Variants in GRM7 observed in about 807,000 individuals in gnomAD.
The protein encoded by GRM7 is metabotropic glutamate receptor 7.
In GRM7, 35 loss-of-function variants were observed where a neutral mutation model predicts 84.5. The observed-to-expected ratio is 0.41, with a 90% CI of 0.32 to 0.55. The LOEUF is 0.55. Ranked by LOEUF, GRM7 falls within the 20% of genes least tolerant of loss-of-function variation. GRM7 has a pLI of 0.19. For missense variants in GRM7, 1,003 were observed against 1,194.6 expected (o/e 0.84, Z 2.36); for synonymous variants, 487 against 455.1 (o/e 1.07, Z -0.89).
intron 2 of GRM7, among the ~76,000 whole-genome samples, chr3:7,201,999 C>A (rs2125114479): frequency 6.6e-6 from 1 of 152,100 alleles, no homozygotes; most frequent in South Asian, 2.1e-4. Flanking sequence ...ACATTACCAG[C>A]ATTTTTTTTT....
chr3:7,688,981 C>T (rs1325780546), intron 9 of GRM7, among the ~76,000 whole-genome samples: 1 of 152,310 alleles, frequency 6.6e-6, no homozygotes, highest in African/African-American at 2.4e-5. Context: ...GCATCCTTTA[C>T]ATGAATATTT....
At chr3:7,506,837 G>A (rs1700053866) in intron 7 of GRM7, among the ~76,000 whole-genome samples, 1 of 152,080 alleles carries the variant, frequency 6.6e-6, no homozygotes, top group Non-Finnish European at 1.5e-5. Flanking sequence ...TACTCATGAG[G>A]GCAGAGCCAA....
chr3:7,226,667 G>C (rs1290103233), intron 2 of GRM7, among the ~76,000 whole-genome samples: 1 of 152,146 alleles, frequency 6.6e-6, no homozygotes, highest in East Asian at 1.9e-4. Context: ...GTCCACCATA[G>C]AAGATAAGGA....
chr3:6,938,920 A>G (rs1023036826), intron 1 of GRM7, among the ~76,000 whole-genome samples: 3 of 152,220 alleles, frequency 2.0e-5, no homozygotes, highest in Admixed American at 2.0e-4. Flanking sequence ...AATGCCTGTT[A>G]AGGCACTTGC....
chr3:7,332,736 C>T (rs1701255742), intron 4 of GRM7, among the ~76,000 whole-genome samples: 1 of 152,136 alleles, frequency 6.6e-6, no homozygotes, highest in Admixed American at 6.5e-5. Context: ...AAAGAATTCA[C>T]AGAACCTTTG....
Position 7,304,947 on chromosome 3 carries a change from G to A in GRM7, c.879-1551G>A, listed in dbSNP as rs569100887. 2.0e-5 allele frequency among the ~76,000 whole-genome samples: 3 copies of A among 152,280 alleles called. No individual in the cohort carries two copies. In the South Asian group the frequency reaches 6.2e-4, roughly 32 times the overall value. Reference sequence around the variant, plus strand: ...TCACATATGAATAAGGCAGTAAAAAGCTCTGTGCCCACGGGCAGTGCATGA... The same window carrying A: ...TCACATATGAATAAGGCAGTAAAAAACTCTGTGCCCACGGGCAGTGCATGA... On this transcript the variant is annotated intron_variant, in intron 3 of 9. Coordinates refer to ENST00000357716, the MANE Select transcript of GRM7 (RefSeq NM_000844.4).
intron 2 of GRM7, among the ~76,000 whole-genome samples, chr3:7,154,505 G>C (rs1310584240): frequency 3.3e-5 from 5 of 152,110 alleles, no homozygotes; most frequent in African/African-American, 4.8e-5. Flanking sequence ...GGTATGAAAA[G>C]ATCTGAAGGT....
chr3:7,390,936 G>A lies in GRM7; in HGVS notation c.1034-24087G>A, dbSNP rs1201476020. Among the ~76,000 whole-genome samples, 5 of 151,954 alleles carry A rather than the reference G, an allele frequency of 3.3e-5. No homozygotes were observed. The South Asian group carries it at 1.0e-3, about 32-fold the overall frequency. ...AAACACTCTGGCTATTTTTTTAATT[G>A]CCAGCATTCTTGTGTTGGTTTCTTT... On this transcript the variant is annotated intron_variant, in intron 4 of 9. Coordinates refer to ENST00000357716, the MANE Select transcript of GRM7 (RefSeq NM_000844.4).
At chr3:7,616,571 G>GTGTT (rs1305144924) in intron 8 of GRM7, among the ~76,000 whole-genome samples, 7 of 152,172 alleles carry the variant, frequency 4.6e-5, no homozygotes, top group Middle Eastern at 3.4e-3. Flanking sequence ...CAACCCTCAA[G>GTGTT]TGTTTGTTCA....
At chr3:7,521,242 G>A (rs770363133) in intron 7 of GRM7, among the ~76,000 whole-genome samples, 3 of 152,284 alleles carry the variant, frequency 2.0e-5, no homozygotes, top group East Asian at 3.9e-4. Flanking sequence ...CAGTGCCTTC[G>A]ATGTTCCCCT....
intron 1 of GRM7, chr3:6,956,651 T>G: frequency 2.2e-6 from 1 of 456,710 alleles, no homozygotes; most frequent in Non-Finnish European, 4.4e-6. Context: ...CTGTGCATGT[T>G]TACCTGCTCA....
chr3:7,670,801 C>T (rs374754080), intron 8 of GRM7, among the ~76,000 whole-genome samples: 1 of 152,128 alleles, frequency 6.6e-6, no homozygotes. Flanking sequence ...CAGTGAGGTA[C>T]AAGACAGCAT....
chr3:7,525,798 A>C (rs979336001), intron 7 of GRM7, among the ~76,000 whole-genome samples: 4 of 152,144 alleles, frequency 2.6e-5, no homozygotes, highest in African/African-American at 4.8e-5. Context: ...ATAAGTGAGA[A>C]CATGTGATAT....
chr3:6,893,538 T>G (rs1378496841), intron 1 of GRM7, among the ~76,000 whole-genome samples: 4 of 152,144 alleles, frequency 2.6e-5, no homozygotes, highest in African/African-American at 4.8e-5. Context: ...ATCCAAAACA[T>G]GCCCACCATC....
chr3:7,137,036 T>C (rs986258648), intron 1 of GRM7, among the ~76,000 whole-genome samples: 3 of 152,144 alleles, frequency 2.0e-5, no homozygotes, highest in African/African-American at 7.2e-5. Context: ...CTTTTAGTGA[T>C]TAATGTGTGC....
intron 1 of GRM7, among the ~76,000 whole-genome samples, chr3:6,993,778 G>C (rs1254937118): frequency 1.3e-5 from 2 of 152,168 alleles, no homozygotes; most frequent in African/African-American, 4.8e-5. Context: ...AGGGCTTAAC[G>C]ATGGATTACA....
At chr3:7,276,789 T>TCCCTC (rs1553641233) in intron 2 of GRM7, among the ~76,000 whole-genome samples, 1 of 3,528 alleles carries the variant, frequency 2.8e-4, no homozygotes, top group Non-Finnish European at 6.0e-4. Flanking sequence ...CTTCCTTCCT[T>TCCCTC]CCTTCCTTCC....
intron 2 of GRM7, among the ~76,000 whole-genome samples, chr3:7,212,646 C>T (rs894237244): frequency 2.2e-4 from 33 of 152,238 alleles, no homozygotes; most frequent in African/African-American, 5.1e-4. Flanking sequence ...TGAAAGAAAA[C>T]TTTATCTGGC....
At chr3:7,626,450 G>A (rs368148823) in intron 8 of GRM7, among the ~76,000 whole-genome samples, 7 of 152,134 alleles carry the variant, frequency 4.6e-5, no homozygotes, top group South Asian at 2.1e-4. Context: ...CCACAAAACC[G>A]GGTGGCATAA....
Sources: allele counts gnomAD v4.1 joint callset (sites outside exome capture counted in the v4.1 genomes callset), GRCh38; gene constraint gnomAD v4.1.1; transcripts MANE v1.5; gene names NCBI Gene and HGNC (gene_info 2026-07-23, HGNC 2026-07-21).